Variants in VIPR2 observed in about 807,000 individuals in gnomAD.
VIPR2 encodes the protein vasoactive intestinal polypeptide receptor 2.
Under a neutral mutation model 58.0 loss-of-function variants are expected in VIPR2, and 48 were observed. The observed-to-expected ratio is 0.83, with a 90% CI of 0.66 to 1.05. The LOEUF (loss-of-function observed/expected upper bound fraction) is 1.05, where lower values mean the gene tolerates loss of function less well. Ranked by LOEUF, VIPR2 falls within the 50% of genes least tolerant of loss-of-function variation. The pLI is 0.00. For synonymous variants in VIPR2, 243 were observed against 235.2 expected (o/e 1.03, Z -0.30); for missense variants, 534 against 558.0 (o/e 0.96, Z 0.43).
intron 2 of VIPR2, 89 bp downstream of exon 2, chr7:159,142,357 C>A: frequency 1.8e-5 from 14 of 784,468 alleles, no homozygotes; most frequent in East Asian, 2.8e-5. Flanking sequence ...TTTTAAGATG[C>A]AGGTGGTGAC....
At chr7:159,142,764 A>AG (rs1554522318) in intron 1 of VIPR2, among the ~76,000 whole-genome samples, 1 of 151,884 alleles carries the variant, frequency 6.6e-6, no homozygotes, top group Non-Finnish European at 1.5e-5. Flanking sequence ...ATCTAATAGA[A>AG]TTTTTTTTCT....
chr7:159,078,715 G>A (rs922841831), intron 4 of VIPR2, among the ~76,000 whole-genome samples: 5 of 152,206 alleles, frequency 3.3e-5, no homozygotes, highest in Non-Finnish European at 7.4e-5. Flanking sequence ...GGCTGAGGAG[G>A]AGCACGTTGT....
At chr7:159,085,718 T>A (rs1385805802) in intron 4 of VIPR2, among the ~76,000 whole-genome samples, 1 of 79,206 alleles carries the variant, frequency 1.3e-5, no homozygotes, top group Non-Finnish European at 2.5e-5. Flanking sequence ...TTGTTTCAGT[T>A]TTTTTTTTTC....
intron 4 of VIPR2, among the ~76,000 whole-genome samples, chr7:159,092,556 G>A: frequency 6.6e-6 from 1 of 151,978 alleles, no homozygotes; most frequent in South Asian, 2.1e-4. Context: ...ACAGCCTCTG[G>A]CATCAAAATA....
Position 159,118,211 on chromosome 7 carries a change from C to T in VIPR2, c.152-8292G>A, listed in dbSNP as rs373830726. Among the ~76,000 whole-genome samples the T allele has an allele frequency of 8.5e-5, 13 of 152,288 alleles. No homozygotes were observed. In the East Asian group the frequency reaches 2.1e-3, roughly 25 times the overall value. The stretch of plus-strand genomic sequence containing the variant: ...GTGGGTGTTTAAATACCTTCCCAGC[C>T]GCATGTCTGAGTGGTTGAGTTCTCT... On this transcript the variant is annotated intron_variant, in intron 2 of 12. Coordinates refer to ENST00000262178, the MANE Select transcript of VIPR2 (RefSeq NM_003382.5).
chr7:159,112,939 C>G (rs564502676), intron 2 of VIPR2, among the ~76,000 whole-genome samples: 2 of 152,104 alleles, frequency 1.3e-5, no homozygotes, highest in Non-Finnish European at 2.9e-5. Context: ...GGGGCCAGAT[C>G]CCCAACCGAG....
At chr7:159,038,182 G>GCCTCCCCTGAGCCCTGCAGGCTGCCCCGA (rs1051001432) in intron 6 of VIPR2, among the ~76,000 whole-genome samples, 1 of 151,832 alleles carries the variant, frequency 6.6e-6, no homozygotes, top group African/African-American at 2.4e-5. Context: ...GCTGTCCCTG[G>GCCTCCCCTGAGCCCTGCAGGCTGCCCCGA]CCTCCCCTGA....
At chr7:159,106,412 G>A (rs1238573389) in intron 3 of VIPR2, among the ~76,000 whole-genome samples, 1 of 152,124 alleles carries the variant, frequency 6.6e-6, no homozygotes, top group African/African-American at 2.4e-5. Context: ...GAGAGACCAG[G>A]GAGGGGCAGA....
chr7:159,144,693 GT>G lies in VIPR2; in HGVS notation c.51+27del, dbSNP rs1797620231. On this transcript the variant is annotated intron_variant, in intron 1 of 12. Transcript: ENST00000262178. ...AGGGGAGAACCGGGTCCGAGGCGCC[GT>G]GGGGCGGGGGTCGCGGGCGCACTCA... 8 of 1,334,920 alleles carry G rather than the reference GT, an allele frequency of 6.0e-6. No individual in the cohort carries two copies. In the South Asian group the frequency reaches 1.4e-4, roughly 23 times the overall value. 82.7% of individuals were successfully genotyped at this position (1,334,920 alleles called of 1,614,324 possible).
At chr7:159,040,449 G>A (rs1039841982) in intron 6 of VIPR2, among the ~76,000 whole-genome samples, 4 of 152,236 alleles carry the variant, frequency 2.6e-5, no homozygotes, top group South Asian at 2.1e-4. Context: ...CACAGACCCC[G>A]CAGGGGAACC....
intron 2 of VIPR2, among the ~76,000 whole-genome samples, chr7:159,135,004 G>GTTTTGTT (rs1797145572): frequency 1.5e-5 from 1 of 65,992 alleles, no homozygotes; most frequent in Admixed American, 1.6e-4. Context: ...AATTACAAAA[G>GTTTTGTT]TTTTTTTTTT....
At chr7:159,087,012 C>T (rs898629700) in intron 4 of VIPR2, among the ~76,000 whole-genome samples, 36 of 152,298 alleles carry the variant, frequency 2.4e-4, no homozygotes, top group African/African-American at 2.6e-4. Context: ...TAGTGAGATA[C>T]GTCTTCCCAA....
At position 159,103,688 on chromosome 7, in the gene VIPR2, C is replaced by T. The variant is rs185653737; in HGVS notation, c.357+69G>A. The T allele has an allele frequency of 3.4e-6, 4 of 1,165,010 alleles. No homozygotes were observed. In the East Asian group the frequency reaches 9.4e-5, roughly 27 times the overall value. The allele number at this position is 1,165,010 out of a possible 1,614,324, so 72.2% of individuals were successfully genotyped here. ...AAAAATCTACATAATTCTTGCAGGG[C>T]AGGAGGGGGCTTCTGGTGCAGTGTT... On this transcript the variant is annotated intron_variant, in intron 4 of 12. Coordinates refer to ENST00000262178, the MANE Select transcript of VIPR2 (RefSeq NM_003382.5).
intron 6 of VIPR2, among the ~76,000 whole-genome samples, chr7:159,039,578 C>T (rs1854188551): frequency 1.3e-5 from 1 of 76,932 alleles, no homozygotes; most frequent in Non-Finnish European, 2.9e-5. Context: ...GAAGCCCCAC[C>T]CGCTGTGGGA....
chr7:159,107,420 C>T (rs1327366386), intron 3 of VIPR2, among the ~76,000 whole-genome samples: 2 of 152,234 alleles, frequency 1.3e-5, no homozygotes, highest in African/African-American at 4.8e-5. Flanking sequence ...GTGCCTCTCA[C>T]CCTGGCTCCC....
chr7:159,073,191 T>C (rs1353523082), intron 4 of VIPR2, among the ~76,000 whole-genome samples: 1 of 152,192 alleles, frequency 6.6e-6, no homozygotes, highest in Non-Finnish European at 1.5e-5. Context: ...CTGAAATAAA[T>C]AGTAATAACT....
chr7:159,072,560 T>G (rs913058435), intron 4 of VIPR2, among the ~76,000 whole-genome samples: 4 of 152,120 alleles, frequency 2.6e-5, no homozygotes, highest in Non-Finnish European at 4.4e-5. Context: ...AGAAGGAAAT[T>G]ATAATAACAA....
chr7:159,139,582 T>C (rs1319687027), intron 2 of VIPR2, among the ~76,000 whole-genome samples: 1 of 152,142 alleles, frequency 6.6e-6, no homozygotes, highest in Non-Finnish European at 1.5e-5. Flanking sequence ...TCCATTGTTT[T>C]AAAAAAAATC....
intron 5 of VIPR2, among the ~76,000 whole-genome samples, chr7:159,043,959 A>C (rs909187029): frequency 2.0e-5 from 3 of 152,208 alleles, no homozygotes; most frequent in African/African-American, 7.2e-5. Context: ...TCTCACATGA[A>C]GTGGGGAACC....
Sources: allele counts gnomAD v4.1 joint callset (sites outside exome capture counted in the v4.1 genomes callset), GRCh38; gene constraint gnomAD v4.1.1; transcripts MANE v1.5; gene names NCBI Gene and HGNC (gene_info 2026-07-23, HGNC 2026-07-21).